STPG2: variants seen among roughly 807,000 people sequenced by gnomAD.
STPG2 encodes the protein sperm-tail PG-rich repeat-containing protein 2.
Under a neutral mutation model 54.2 loss-of-function variants are expected in STPG2, and 56 were observed. That is an observed-to-expected ratio of 1.03 (90% CI 0.83 to 1.29). The LOEUF (loss-of-function observed/expected upper bound fraction) is 1.29, where lower values mean the gene tolerates loss of function less well. STPG2 is among the 50% of genes most tolerant of loss of function. The pLI is 0.00. For missense variants in STPG2, 596 were observed against 544.9 expected (o/e 1.09, Z -0.93); for synonymous variants, 200 against 181.8 (o/e 1.10, Z -0.81).
chr4:98,102,170 C>G (rs937703587), intron 5 of STPG2, among the ~76,000 whole-genome samples: 2 of 152,214 alleles, frequency 1.3e-5, no homozygotes, highest in Non-Finnish European at 2.9e-5. Flanking sequence ...CTACCTCCCT[C>G]ACCTCTGAAG....
chr4:97,748,072 G>T (rs1465920783), intron 9 of STPG2, among the ~76,000 whole-genome samples: 1 of 151,406 alleles, frequency 6.6e-6, no homozygotes, highest in African/African-American at 2.4e-5. Context: ...AACTGAAAAT[G>T]AGCTGCTTCT....
chr4:98,011,609 C>G (rs1735753608), intron 5 of STPG2, among the ~76,000 whole-genome samples: 1 of 152,196 alleles, frequency 6.6e-6, no homozygotes, highest in Non-Finnish European at 1.5e-5. Flanking sequence ...TTTCCACAGC[C>G]TCACCACCAT....
chr4:97,505,259 A>G (rs1730819400), intron 4 of STPG2, among the ~76,000 whole-genome samples: 1 of 151,904 alleles, frequency 6.6e-6, no homozygotes, highest in South Asian at 2.1e-4. Context: ...ATCACCCCAA[A>G]TGGCATTCCT....
intron 7 of STPG2, among the ~76,000 whole-genome samples, chr4:97,963,034 C>T (rs814149): frequency 0.41 from 62,697 of 151,862 alleles, 13,602 homozygotes; most frequent in Admixed American, 0.53. Context: ...TGGCACACAC[C>T]TGTAATCCCA....
chr4:97,836,721 A>G (rs1728645218), intron 9 of STPG2, among the ~76,000 whole-genome samples: 1 of 151,468 alleles, frequency 6.6e-6, no homozygotes, highest in Non-Finnish European at 1.5e-5. Flanking sequence ...TCCTCTATTA[A>G]TCTGTCAATC....
intron 5 of STPG2, among the ~76,000 whole-genome samples, chr4:98,090,730 T>C (rs1051623742): frequency 6.6e-6 from 1 of 152,104 alleles, no homozygotes; most frequent in Non-Finnish European, 1.5e-5. Flanking sequence ...CTATTAATCC[T>C]GACACTTTCA....
intron 10 of STPG2, among the ~76,000 whole-genome samples, chr4:97,696,042 G>A (rs1265116035): frequency 6.6e-6 from 1 of 151,582 alleles, no homozygotes; most frequent in African/African-American, 2.4e-5. Flanking sequence ...ACCAAAAAAA[G>A]AGCCCACATA....
chr4:97,616,113 T>G (rs1733868204), intron 10 of STPG2, among the ~76,000 whole-genome samples: 1 of 85,742 alleles, frequency 1.2e-5, no homozygotes, highest in Non-Finnish European at 2.8e-5. Context: ...TATTTAATAG[T>G]AAGACAAAAT....
At chr4:98,046,445 C>T (rs1288674237) in intron 5 of STPG2, among the ~76,000 whole-genome samples, 1 of 152,130 alleles carries the variant, frequency 6.6e-6, no homozygotes, top group Admixed American at 6.5e-5. Flanking sequence ...CTCCCAGTCT[C>T]GTCAGACTGG....
chr4:98,112,362 G>A (rs1049236416), intron 3 of STPG2, among the ~76,000 whole-genome samples: 25 of 152,136 alleles, frequency 1.6e-4, no homozygotes, highest in Admixed American at 1.2e-3. Flanking sequence ...GAAACAATGG[G>A]CTATACCATA....
chr4:97,962,067 T>C (rs769909728), intron 7 of STPG2, among the ~76,000 whole-genome samples: 1 of 152,210 alleles, frequency 6.6e-6, no homozygotes, highest in African/African-American at 2.4e-5. Flanking sequence ...GAAACCTGGT[T>C]GAGACTGGAG....
chr4:97,870,716 A>G (rs1026547154), intron 8 of STPG2, among the ~76,000 whole-genome samples: 3 of 151,382 alleles, frequency 2.0e-5, no homozygotes, highest in Non-Finnish European at 4.4e-5. Flanking sequence ...GAAGCATACT[A>G]GTAGGAGTCA....
chr4:97,641,595 C>T (rs537030172), intron 10 of STPG2, among the ~76,000 whole-genome samples: 41 of 151,290 alleles, frequency 2.7e-4, no homozygotes, highest in Non-Finnish European at 5.0e-4. Context: ...TATTATTTCA[C>T]TTTATCAAAG....
chr4:97,970,619 G>T (rs1418420551), intron 7 of STPG2, among the ~76,000 whole-genome samples: 1 of 152,178 alleles, frequency 6.6e-6, no homozygotes, highest in Non-Finnish European at 1.5e-5. Flanking sequence ...GTAGAAAGCT[G>T]AAACTGGATC....
At chr4:98,123,491 T>C (rs1487621497) in intron 3 of STPG2, among the ~76,000 whole-genome samples, 2 of 152,186 alleles carry the variant, frequency 1.3e-5, no homozygotes, top group Admixed American at 1.3e-4. Flanking sequence ...CATATAGTCG[T>C]GTGGTTTTGA....
At chr4:98,065,317 T>C (rs1737799330) in intron 5 of STPG2, among the ~76,000 whole-genome samples, 1 of 152,172 alleles carries the variant, frequency 6.6e-6, no homozygotes, top group African/African-American at 2.4e-5. Flanking sequence ...GCTAAGATAA[T>C]AATTTAAATA....
At chr4:97,744,433 T>G (rs1301118141) in intron 9 of STPG2, among the ~76,000 whole-genome samples, 2 of 151,240 alleles carry the variant, frequency 1.3e-5, no homozygotes, top group Non-Finnish European at 3.0e-5. Flanking sequence ...TTCCAATAAA[T>G]ATTTAAATAA....
At chr4:97,968,998 CT>C (rs1734219254) in intron 7 of STPG2, among the ~76,000 whole-genome samples, 1 of 152,126 alleles carries the variant, frequency 6.6e-6, no homozygotes, top group Non-Finnish European at 1.5e-5. Flanking sequence ...GAATGCAACC[CT>C]TGTGGAGAGC....
chr4:97,639,173 T>G (rs1721674120), intron 10 of STPG2, among the ~76,000 whole-genome samples: 1 of 151,930 alleles, frequency 6.6e-6, no homozygotes, highest in Non-Finnish European at 1.5e-5. Flanking sequence ...CCATAAAAAA[T>G]GATGAGTTCA....
Sources: gnomAD v4.1 joint callset for allele counts (sites outside exome capture counted in the v4.1 genomes callset) on GRCh38, gnomAD v4.1.1 for gene constraint, MANE v1.5 for transcripts, NCBI Gene and HGNC (gene_info 2026-07-23, HGNC 2026-07-21) for gene names.